CUEDC1: variants seen among roughly 807,000 people sequenced by gnomAD.
CUEDC1 encodes CUE domain containing 1, also known as CUE domain-containing protein 1.
CUEDC1 carries 30 observed loss-of-function variants against 43.7 expected under a neutral mutation model. The observed-to-expected ratio is 0.69, with a 90% CI of 0.51 to 0.93. The LOEUF is 0.93. Ranked by LOEUF, CUEDC1 falls within the 40% of genes least tolerant of loss-of-function variation. CUEDC1 has a pLI of 0.00. For missense variants in CUEDC1, 486 were observed against 549.0 expected, an observed-to-expected ratio of 0.89 and a Z score of 1.15; for synonymous variants, 223 against 223.6, an observed-to-expected ratio of 1.00 and a Z score of 0.02.
chr17:57,950,201 A>G (rs866015340), intron 1 of CUEDC1, among the ~76,000 whole-genome samples: 9 of 152,086 alleles, frequency 5.9e-5, no homozygotes, highest in African/African-American at 2.2e-4. Flanking sequence ...CCCAGGCTGG[A>G]GTGTAGTGGC....
At chr17:57,906,360 A>G (rs2074529807) in intron 1 of CUEDC1, among the ~76,000 whole-genome samples, 1 of 152,284 alleles carries the variant, frequency 6.6e-6, no homozygotes, top group East Asian at 1.9e-4. Flanking sequence ...CAGACATAGA[A>G]GTACAAATAT....
At chr17:57,942,498 CCTGCCT>C (rs2074925722) in intron 1 of CUEDC1, among the ~76,000 whole-genome samples, 1 of 151,912 alleles carries the variant, frequency 6.6e-6, no homozygotes, top group Admixed American at 6.6e-5. Context: ...AAGTGATTCT[CCTGCCT>C]CAGCCTCCCA....
At chr17:57,916,738 C>A (rs1373721697) in intron 1 of CUEDC1, among the ~76,000 whole-genome samples, 1 of 152,192 alleles carries the variant, frequency 6.6e-6, no homozygotes, top group Non-Finnish European at 1.5e-5. Flanking sequence ...CTCTCGAGAA[C>A]CAGTCCAAGC....
At chr17:57,953,501 G>A (rs556967414) in intron 1 of CUEDC1, among the ~76,000 whole-genome samples, 17 of 152,354 alleles carry the variant, frequency 1.1e-4, no homozygotes, top group African/African-American at 4.1e-4. Flanking sequence ...AGCCAAAAAG[G>A]TGACAACTGT....
intron 10 of CUEDC1, among the ~76,000 whole-genome samples, chr17:57,863,894 G>A (rs1040214901): frequency 6.6e-6 from 1 of 151,642 alleles, no homozygotes; most frequent in Admixed American, 6.6e-5. Context: ...CCAGCTACTC[G>A]GGAGGCTGAG....
intron 1 of CUEDC1, among the ~76,000 whole-genome samples, chr17:57,947,669 C>T (rs2074971496): frequency 6.6e-6 from 1 of 151,756 alleles, no homozygotes; most frequent in African/African-American, 2.4e-5. Context: ...TTTGTGATGG[C>T]GTATGTCTGT....
At chr17:57,901,718 G>A (rs1375192637) in intron 1 of CUEDC1, among the ~76,000 whole-genome samples, 1 of 152,228 alleles carries the variant, frequency 6.6e-6, no homozygotes, top group Non-Finnish European at 1.5e-5. Flanking sequence ...GCTGTATAGA[G>A]GATGTAGCCG....
chr17:57,950,633 C>T (rs1173544567), intron 1 of CUEDC1, among the ~76,000 whole-genome samples: 4 of 151,970 alleles, frequency 2.6e-5, no homozygotes, highest in South Asian at 2.1e-4. Flanking sequence ...CCACCATGCC[C>T]GGCTAATTTT....
intron 1 of CUEDC1, among the ~76,000 whole-genome samples, chr17:57,942,445 G>A (rs1438539093): frequency 6.6e-6 from 1 of 152,010 alleles, no homozygotes; most frequent in East Asian, 2.0e-4. Context: ...CTGGAGTACA[G>A]TGGTGTTCTC....
At chr17:57,921,272 G>T (rs1360278445) in intron 1 of CUEDC1, among the ~76,000 whole-genome samples, 1 of 152,156 alleles carries the variant, frequency 6.6e-6, no homozygotes, top group African/African-American at 2.4e-5. Context: ...CCCTCTCAGG[G>T]ACCAACAATG....
intron 1 of CUEDC1, among the ~76,000 whole-genome samples, chr17:57,946,427 C>T (rs949964523): frequency 6.6e-6 from 1 of 152,196 alleles, no homozygotes; most frequent in Non-Finnish European, 1.5e-5. Context: ...TAATGATGTC[C>T]TGTGAACCAA....
At chr17:57,914,519 T>C (rs192821659) in intron 1 of CUEDC1, among the ~76,000 whole-genome samples, 64 of 152,222 alleles carry the variant, frequency 4.2e-4, no homozygotes, top group Non-Finnish European at 3.7e-4. Context: ...TCTCTCTCAA[T>C]GAGGTACCAG....
At chr17:57,932,139 G>C (rs892732645) in intron 1 of CUEDC1, among the ~76,000 whole-genome samples, 1 of 151,796 alleles carries the variant, frequency 6.6e-6, no homozygotes, top group Non-Finnish European at 1.5e-5. Flanking sequence ...CAAAATAGCT[G>C]GGTGTCGTGG....
At chr17:57,917,789 G>A (rs552934642) in intron 1 of CUEDC1, among the ~76,000 whole-genome samples, 11 of 152,354 alleles carry the variant, frequency 7.2e-5, no homozygotes, top group African/African-American at 2.4e-4. Context: ...GAGACACTGA[G>A]GCTGAGAGAA....
intron 5 of CUEDC1, 111 bp from the exon 6 acceptor site, chr17:57,871,480 T>A: frequency 1.2e-6 from 1 of 831,028 alleles, no homozygotes; most frequent in African/African-American, 1.7e-5. Flanking sequence ...GAATCACACA[T>A]GAGCACACAC....
chr17:57,869,340 G>A (rs1415579333), intron 6 of CUEDC1, 147 bp from the exon 7 acceptor site: 5 of 680,716 alleles, frequency 7.3e-6, no homozygotes, highest in Middle Eastern at 3.7e-4. Context: ...AGGATGTGGA[G>A]TTCCAGGAGC....
Position 57,954,707 on chromosome 17 carries a change from G to A in CUEDC1, c.-316+518C>T, listed in dbSNP as rs2075039536. Among the ~76,000 whole-genome samples the A allele has an allele frequency of 6.6e-6, 1 of 152,092 alleles. No individual in the cohort carries two copies. Among genetic ancestry groups the A allele is most frequent in the South Asian group, 2.1e-4 (1 of 4,834 alleles). ...CGACCTGTGACATCGGCGGGGGGCAGGAAGCGAAGCTCCCCTCCCCCTGAA... is the reference window on the plus strand; with the variant it reads ...CGACCTGTGACATCGGCGGGGGGCAAGAAGCGAAGCTCCCCTCCCCCTGAA... On this transcript the variant is annotated intron_variant, in intron 1 of 10. Coordinates refer to ENST00000577830, the MANE Select transcript of CUEDC1 (RefSeq NM_001271875.2). This position sits in a 1 kb window ranked among gnomAD's most constrained non-coding sequence, Gnocchi z 4.3.
At chr17:57,878,946 T>A (rs182269074) in intron 3 of CUEDC1, among the ~76,000 whole-genome samples, 15 of 152,296 alleles carry the variant, frequency 9.8e-5, no homozygotes, top group Admixed American at 5.9e-4. Context: ...GGATTACAGA[T>A]GTGAGCCACT....
rs554584963 is a variant in CUEDC1, at chr17:57,948,330, G to T, written c.-316+6895C>A. 1.7e-3 allele frequency among the ~76,000 whole-genome samples: 266 copies of T among 152,182 alleles called. 1 individual carries two copies. The highest frequency in any genetic ancestry group is 6.1e-3 in the African/African-American group (252 of 41,522). On this transcript the variant is annotated intron_variant, in intron 1 of 10. Transcript: ENST00000577830. ...CAGGTTTCCTGAGCTCTCCTCACAC[G>T]GCTTGGACTCCATCCCCGAGAGCTG...
Sources: allele counts gnomAD v4.1 joint callset (sites outside exome capture counted in the v4.1 genomes callset), GRCh38; gene constraint gnomAD v4.1.1; non-coding constraint Gnocchi (gnomAD v3.1); transcripts MANE v1.5; gene names NCBI Gene and HGNC (gene_info 2026-07-23, HGNC 2026-07-21).